EPHA3: variants seen among roughly 807,000 people sequenced by gnomAD.
EPHA3 encodes the protein EPH receptor A3, also known as ephrin type-A receptor 3.
A neutral mutation model predicts 107.1 loss-of-function variants in EPHA3; 42 were observed. The observed-to-expected ratio is 0.39, with a 90% confidence interval of 0.31 to 0.51. EPHA3 has a LOEUF of 0.51. EPHA3 is among the 20% of genes least tolerant of loss of function. The probability of loss-of-function intolerance (pLI) is 0.78; values close to 1 mark genes in which losing one functional copy is unlikely to be tolerated. For synonymous variants in EPHA3, 461 were observed against 424.8 expected (o/e 1.09, Z -1.05); for missense variants, 1,183 against 1,211.2 (o/e 0.98, Z 0.35).
intron 15 of EPHA3, among the ~76,000 whole-genome samples, chr3:89,471,729 G>C (rs58803696): frequency 0.26 from 38,823 of 150,304 alleles, 7,302 homozygotes; most frequent in African/African-American, 0.54. Flanking sequence ...CTGAGTCTCT[G>C]TGTGTGTGTG....
At chr3:89,427,795 T>C (rs1400586946) in intron 11 of EPHA3, among the ~76,000 whole-genome samples, 1 of 151,892 alleles carries the variant, frequency 6.6e-6, no homozygotes, top group Middle Eastern at 3.2e-3. Flanking sequence ...AAGTAAGCTG[T>C]GAGGATTAAG....
chr3:89,449,762 A>G (rs1425790998), intron 14 of EPHA3, among the ~76,000 whole-genome samples: 2 of 152,206 alleles, frequency 1.3e-5, no homozygotes, highest in African/African-American at 4.8e-5. Context: ...AAAAAAAATT[A>G]CTATAATTTG....
rs1559644490 is a variant in EPHA3 at position 89,316,854 on chromosome 3, T to C, written c.815-24062T>C. 2.0e-5 allele frequency among the ~76,000 whole-genome samples: 3 copies of C among 151,694 alleles called. No individual in the cohort carries two copies. The South Asian group carries it at 6.2e-4, about 31-fold the overall frequency. On this transcript the variant is annotated intron_variant, in intron 3 of 16. Transcript: ENST00000336596. The stretch of plus-strand genomic sequence containing the variant: ...TTTCTTTTAGTAAGTACCTCCTTTG[T>C]ATCAGACACTTTATGAATGGTCATT...
rs1253791217 is a variant in EPHA3 at position 89,210,412 on chromosome 3, G to A, written c.706G>A (p.Glu236Lys). ...VRGSCVNNSK[E>K]EDPPRMYCST... ...AGGGTCTTGTGTCAACAATTCTAAG[G>A]AGGAAGATCCTCCAAGGATGTACTG... The change falls in exon 3 of 17, where the codon GAG becomes AAG. Residue 236 changes from glutamate (E) to lysine (K), a missense_variant. By Grantham distance (56) the Glu-to-Lys change is moderately conservative (BLOSUM62 1). Transcript: ENST00000336596. The A allele has an allele frequency of 6.2e-7, 1 of 1,613,684 alleles. No homozygotes were observed. Among genetic ancestry groups the A allele is most frequent in the African/African-American group, 1.3e-5 (1 of 74,888 alleles).
intron 2 of EPHA3, among the ~76,000 whole-genome samples, chr3:89,186,895 T>C (rs1705580246): frequency 6.6e-6 from 1 of 152,148 alleles, no homozygotes. Context: ...TTGTGTTGCC[T>C]GGAATATGTT....
intron 7 of EPHA3, among the ~76,000 whole-genome samples, chr3:89,406,075 G>A (rs748744590): frequency 3.9e-5 from 6 of 152,138 alleles, no homozygotes; most frequent in African/African-American, 7.2e-5. Flanking sequence ...TACAAATAGA[G>A]ACCAAATTAG....
rs544433225 is a variant in EPHA3 at position 89,390,650 on chromosome 3, T to A, written c.1307-5187T>A. 2.3e-3 allele frequency among the ~76,000 whole-genome samples: 347 copies of A among 151,636 alleles called. 2 individuals carry two copies. Among genetic ancestry groups the A allele is most frequent in the African/African-American group, 8.0e-3 (329 of 41,372 alleles). ...ACTTTGCATCTCTCCGTTATATATG[T>A]CAACTAGTCATTGCATGTTGCTGAT... On this transcript the variant is annotated intron_variant, in intron 5 of 16. Coordinates refer to ENST00000336596, the MANE Select transcript of EPHA3 (RefSeq NM_005233.6).
At chr3:89,391,329 T>A (rs1209626710) in intron 5 of EPHA3, among the ~76,000 whole-genome samples, 1 of 152,104 alleles carries the variant, frequency 6.6e-6, no homozygotes, top group East Asian at 1.9e-4. Context: ...GTGTGATGCA[T>A]AAGCCACCCC....
intron 3 of EPHA3, among the ~76,000 whole-genome samples, chr3:89,292,643 A>C (rs1481282349): frequency 6.6e-6 from 1 of 152,212 alleles, no homozygotes; most frequent in Non-Finnish European, 1.5e-5. Flanking sequence ...TGATCTATAG[A>C]AAGCATTAGC....
In EPHA3 at chr3:89,479,676, A is replaced by T. The variant is rs1471175062; in HGVS notation, c.*174A>T. 1 of 537,918 alleles carries T rather than the reference A, an allele frequency of 1.9e-6. No individual in the cohort carries two copies. Among genetic ancestry groups the T allele is most frequent in the Non-Finnish European group, 3.3e-6 (1 of 301,402 alleles). The allele number at this position is 537,918 out of a possible 1,614,324, so 33.3% of individuals were successfully genotyped here. A position where few individuals can be genotyped will look rare whatever the true frequency, so the allele number is the denominator to read the frequency against. ...ATTGAAAAACTCTTTATTTTCCCCTATCATTTATTGGATGGGTGGGTGGGG... is the reference window on the plus strand; with the variant it reads ...ATTGAAAAACTCTTTATTTTCCCCTTTCATTTATTGGATGGGTGGGTGGGG... On this transcript the variant is annotated 3_prime_UTR_variant, in exon 17 of 17. Coordinates refer to ENST00000336596, the MANE Select transcript of EPHA3 (RefSeq NM_005233.6).
At chr3:89,340,235 A>T (rs1707487128) in intron 3 of EPHA3, among the ~76,000 whole-genome samples, 1 of 152,218 alleles carries the variant, frequency 6.6e-6, no homozygotes, top group Non-Finnish European at 1.5e-5. Context: ...TTATTAAAAG[A>T]GCTCTCATCT....
chr3:89,420,225 A>G (rs1438307579), intron 11 of EPHA3, among the ~76,000 whole-genome samples: 37 of 151,492 alleles, frequency 2.4e-4, no homozygotes, highest in Admixed American at 2.4e-3. Context: ...TTTAGGGGAT[A>G]ATTCATTGGC....
chr3:89,233,384 G>A lies in EPHA3; in HGVS notation c.814+22864G>A, dbSNP rs139239748. On this transcript the variant is annotated intron_variant, in intron 3 of 16. Transcript: ENST00000336596. ...TGCCTTTGGCATTGAACTAGTGTGC[G>A]TAAATGAGGTTGCTCTTTTTGTCCA... Among the ~76,000 whole-genome samples the A allele has an allele frequency of 8.5e-5, 13 of 152,196 alleles. No individual in the cohort carries two copies. The East Asian group carries it at 9.7e-4, about 11-fold the overall frequency.
At chr3:89,352,529 A>C (rs1707850583) in intron 5 of EPHA3, among the ~76,000 whole-genome samples, 1 of 151,186 alleles carries the variant, frequency 6.6e-6, no homozygotes, top group African/African-American at 2.4e-5. Flanking sequence ...AAGAAAAGTA[A>C]ATATCTTTAA....
intron 2 of EPHA3, among the ~76,000 whole-genome samples, chr3:89,166,882 C>A (rs1269470171): frequency 6.6e-6 from 1 of 152,124 alleles, no homozygotes; most frequent in Non-Finnish European, 1.5e-5. Context: ...ACAAGCACAG[C>A]AACCCAGCAA....
intron 1 of EPHA3, among the ~76,000 whole-genome samples, chr3:89,110,334 G>A (rs1377390843): frequency 6.6e-6 from 1 of 151,928 alleles, no homozygotes; most frequent in African/African-American, 2.4e-5. Context: ...TAATTGCTAG[G>A]ACATTTGCAG....
Position 89,194,303 on chromosome 3 carries a change from G to A in EPHA3, c.154-15557G>A, listed in dbSNP as rs1298344071. On this transcript the variant is annotated intron_variant, in intron 2 of 16. Coordinates refer to ENST00000336596, the MANE Select transcript of EPHA3 (RefSeq NM_005233.6). ...ATTTGTTTCAAAGTTATTAATATTT[G>A]CCTGTAACTGGCAAATCTCGTATTA... Among the ~76,000 whole-genome samples the A allele has an allele frequency of 4.6e-5, 7 of 151,896 alleles. No homozygotes were observed. In the South Asian group the frequency reaches 1.5e-3, roughly 32 times the overall value.
At chr3:89,223,967 A>G (rs925335482) in intron 3 of EPHA3, among the ~76,000 whole-genome samples, 5 of 152,156 alleles carry the variant, frequency 3.3e-5, no homozygotes, top group African/African-American at 1.2e-4. Flanking sequence ...AATTCTTTCA[A>G]TGCCTGGTTC....
chr3:89,449,509 T>G, intron 14 of EPHA3, 135 bp downstream of exon 14: 1 of 707,186 alleles, frequency 1.4e-6, no homozygotes, highest in East Asian at 2.9e-5. Flanking sequence ...TGAAACTGTT[T>G]CCAAGTCTTG....
Sources: gnomAD v4.1 joint callset for allele counts (sites outside exome capture counted in the v4.1 genomes callset) on GRCh38, gnomAD v4.1.1 for gene constraint, MANE v1.5 for transcripts, NCBI Gene and HGNC (gene_info 2026-07-23, HGNC 2026-07-21) for gene names.